TUB: variants seen among roughly 807,000 people sequenced by gnomAD.
The protein encoded by TUB is tubby protein homolog.
In TUB, 33 loss-of-function variants were observed where a neutral mutation model predicts 59.7. That is an observed-to-expected ratio of 0.55 (90% CI 0.42 to 0.74). The LOEUF (loss-of-function observed/expected upper bound fraction) is 0.74. TUB is among the 30% of genes least tolerant of loss of function. The pLI, the probability that TUB is intolerant of heterozygous loss-of-function variation, is 0.00. For missense variants in TUB, 659 were observed against 672.0 expected (o/e 0.98, Z 0.21); for synonymous variants, 293 against 256.4 (o/e 1.14, Z -1.36).
intron 2 of TUB, among the ~76,000 whole-genome samples, chr11:8,042,488 C>T (rs1446970747): frequency 1.3e-5 from 2 of 152,138 alleles, no homozygotes; most frequent in Non-Finnish European, 2.9e-5. Flanking sequence ...TGGGTATATG[C>T]CTAGGATCTA....
At chr11:8,087,336 T>G (rs1161852532) in intron 1 of TUB, among the ~76,000 whole-genome samples, 7 of 152,224 alleles carry the variant, frequency 4.6e-5, no homozygotes, top group Admixed American at 3.9e-4. Context: ...AGCCCAGGGC[T>G]GGGGATGGCC....
upstream of TUB, among the ~76,000 whole-genome samples, chr11:8,078,574 C>T (rs374510655): frequency 3.8e-3 from 581 of 152,180 alleles, no homozygotes; most frequent in Non-Finnish European, 5.8e-3. Flanking sequence ...TGGAAAAAGC[C>T]ATCATGCATT....
chr11:8,048,549 A>G (rs995906682), intron 2 of TUB, among the ~76,000 whole-genome samples: 4 of 152,094 alleles, frequency 2.6e-5, no homozygotes, highest in African/African-American at 9.7e-5. Context: ...CTGTAGGAAT[A>G]TGCTGCCAGA....
At chr11:8,099,475 G>C (rs911421367) in intron 9 of TUB, among the ~76,000 whole-genome samples, 2 of 152,328 alleles carry the variant, frequency 1.3e-5, no homozygotes, top group Admixed American at 1.3e-4. Flanking sequence ...CAGCTACTTT[G>C]TATGATCCTG....
intron 1 of TUB, among the ~76,000 whole-genome samples, chr11:8,088,696 C>CTTTA (rs1001498533): frequency 1.3e-5 from 2 of 152,256 alleles, no homozygotes; most frequent in African/African-American, 4.8e-5. Flanking sequence ...ACACCTTGGC[C>CTTTA]TTTATAGCAT....
At chr11:8,037,482 G>C (rs368598102), upstream of TUB, among the ~76,000 whole-genome samples, 1 of 152,192 alleles carries the variant, frequency 6.6e-6, no homozygotes, top group Non-Finnish European at 1.5e-5. Flanking sequence ...GGTCTCCAGC[G>C]TCCATTTGGG....
chr11:8,088,717 G>A (rs1943713407), intron 1 of TUB, among the ~76,000 whole-genome samples: 1 of 152,216 alleles, frequency 6.6e-6, no homozygotes, highest in African/African-American at 2.4e-5. Context: ...TTGGGCCTAG[G>A]TCTCATGCAT....
chr11:8,073,141 C>G (rs1294692141), intron 2 of TUB, among the ~76,000 whole-genome samples: 1 of 152,162 alleles, frequency 6.6e-6, no homozygotes, highest in Non-Finnish European at 1.5e-5. Flanking sequence ...AACTTTTATC[C>G]CCACTTCAGA....
intron 6 of TUB, 124 bp from the exon 7 acceptor site, chr11:8,097,104 C>A: frequency 9.0e-7 from 1 of 1,115,754 alleles, no homozygotes; most frequent in Non-Finnish European, 1.3e-6. Context: ...GCTGGCCAGG[C>A]CCCAATCCCA....
upstream of TUB, among the ~76,000 whole-genome samples, chr11:8,080,849 G>C (rs1429813352): frequency 6.6e-6 from 1 of 152,198 alleles, no homozygotes; most frequent in Non-Finnish European, 1.5e-5. Flanking sequence ...CTTCCTGCAC[G>C]ACTGGATTCC....
chr11:8,039,725 T>A, intron 2 of TUB: 2 of 1,486,836 alleles, frequency 1.3e-6, no homozygotes, highest in South Asian at 1.4e-5. Context: ...GTGCCGGCCC[T>A]GGGAAAGGGC....
intron 1 of TUB, among the ~76,000 whole-genome samples, chr11:8,021,333 G>A (rs1942423484): frequency 6.6e-6 from 1 of 152,142 alleles, no homozygotes; most frequent in African/African-American, 2.4e-5. Context: ...AGCTGGGCAT[G>A]GAGGTGCACG....
chr11:8,027,284 C>T (rs1334215170), intron 1 of TUB, among the ~76,000 whole-genome samples: 1 of 152,190 alleles, frequency 6.6e-6, no homozygotes, highest in East Asian at 1.9e-4. Flanking sequence ...TCATCACCAT[C>T]CTGGCCCCTG....
intron 2 of TUB, among the ~76,000 whole-genome samples, chr11:8,041,500 T>A (rs1942749503): frequency 6.6e-6 from 1 of 152,214 alleles, no homozygotes; most frequent in South Asian, 2.1e-4. Context: ...CTTGGCTTGT[T>A]GTCTTCAACT....
chr11:8,098,814 A>G lies in TUB; in HGVS notation c.1055A>G (p.Lys352Arg). ...TVYDNGVNPQ[K>R]ASSSTLESGT... ...TATGACAATGGAGTCAACCCTCAGA[A>G]GGCCTCATCCTCCACTTTGGAAAGT... The change falls in exon 9 of 12, where the codon AAG (lysine) becomes AGG (arginine). Residue 352 changes from lysine (K) to arginine (R), a missense_variant. By Grantham distance (26) the Lys-to-Arg change is conservative. Coordinates refer to ENST00000299506, the MANE Select transcript of TUB (RefSeq NM_177972.3). 1 of 1,614,210 alleles carries G rather than the reference A, an allele frequency of 6.2e-7. No individual in the cohort carries two copies. Among genetic ancestry groups the G allele is most frequent in the Non-Finnish European group, 8.5e-7 (1 of 1,180,044 alleles).
intron 9 of TUB, among the ~76,000 whole-genome samples, chr11:8,100,248 A>T (rs1411716470): frequency 6.6e-6 from 1 of 151,980 alleles, no homozygotes; most frequent in East Asian, 1.9e-4. Context: ...GAGTGTGACC[A>T]AGTAGTTTGC....
upstream of TUB, among the ~76,000 whole-genome samples, chr11:8,034,580 C>G (rs1942621177): frequency 6.6e-6 from 1 of 152,172 alleles, no homozygotes; most frequent in African/African-American, 2.4e-5. Context: ...GGTTTGGGTT[C>G]AATTTCCATT....
At chr11:8,039,160 C>T (rs1942699408) in intron 1 of TUB, 1 of 1,150,586 alleles carries the variant, frequency 8.7e-7, no homozygotes, top group African/African-American at 1.6e-5. Flanking sequence ...TCCCCTATCA[C>T]CACGTGGAGC....
At chr11:8,097,167 A>G (rs17847542) in intron 6 of TUB, 61 bp from the exon 7 acceptor site, 1 of 1,582,460 alleles carries the variant, frequency 6.3e-7, no homozygotes, top group African/African-American at 1.3e-5. Flanking sequence ...TGGATCCCAG[A>G]CCACCAATTT....
Sources: allele counts gnomAD v4.1 joint callset (sites outside exome capture counted in the v4.1 genomes callset), GRCh38; gene constraint gnomAD v4.1.1; transcripts MANE v1.5; gene names NCBI Gene and HGNC (gene_info 2026-07-23, HGNC 2026-07-21).